Variants in DMD observed in about 807,000 individuals in gnomAD.
DMD encodes the protein mutant dystrophin.
A neutral mutation model predicts 330.1 loss-of-function variants in DMD; 63 were observed. The observed-to-expected ratio is 0.19, with a 90% CI of 0.16 to 0.24. The LOEUF is 0.24. DMD is among the 10% of genes least tolerant of loss of function. The probability of loss-of-function intolerance (pLI) is 1.00; values close to 1 mark genes in which losing one functional copy is unlikely to be tolerated. For synonymous variants in DMD, 1,223 were observed against 959.8 expected (o/e 1.27, Z -5.07); for missense variants, 3,344 against 2,684.1 (o/e 1.25, Z -5.43).
intron 48 of DMD, among the ~76,000 whole-genome samples, chrX:31,838,833 G>A (rs1870322): frequency 0.37 from 40,649 of 110,239 alleles, 6,181 homozygotes; most frequent in African/African-American, 0.58. Context: ...CGTGGGATGT[G>A]GGAGAGTTAA....
chrX:32,140,135 T>A (rs1224199937), intron 44 of DMD, among the ~76,000 whole-genome samples: 4 of 112,017 alleles, frequency 3.6e-5, no homozygotes, highest in Non-Finnish European at 7.5e-5. Context: ...ATGACAGAAT[T>A]TAAAACAGAT....
At chrX:32,626,783 A>C (rs765387583) in intron 11 of DMD, among the ~76,000 whole-genome samples, 32 of 103,839 alleles carry the variant, frequency 3.1e-4, no homozygotes, top group Non-Finnish European at 5.7e-4. Flanking sequence ...CGAGTTGTGC[A>C]CATGCATCCT....
chrX:33,056,993 T>A (rs919770063), intron 1 of DMD, among the ~76,000 whole-genome samples: 1 of 111,471 alleles, frequency 9.0e-6, no homozygotes, highest in Non-Finnish European at 1.9e-5. Flanking sequence ...TCATAAAAAA[T>A]GTACTAAAGG....
intron 48 of DMD, among the ~76,000 whole-genome samples, chrX:31,866,041 T>G (rs2093793827): frequency 1.8e-5 from 2 of 111,377 alleles, no homozygotes; most frequent in Admixed American, 9.5e-5. Flanking sequence ...AAAGATGAAC[T>G]TCAATGGCCT....
At chrX:31,840,396 A>G (rs1294422990) in intron 48 of DMD, among the ~76,000 whole-genome samples, 1 of 108,958 alleles carries the variant, frequency 9.2e-6, no homozygotes, top group Non-Finnish European at 1.9e-5. Flanking sequence ...TATGTGTATT[A>G]GATATGATAA....
intron 1 of DMD, among the ~76,000 whole-genome samples, chrX:33,161,657 C>T (rs1010461150): frequency 4.5e-5 from 5 of 111,133 alleles, no homozygotes; most frequent in African/African-American, 1.6e-4. Context: ...ATTCCTCCTT[C>T]CCATCTCACA....
chrX:32,114,213 C>T (rs1795595), intron 44 of DMD, among the ~76,000 whole-genome samples: 48,734 of 110,168 alleles, frequency 0.44, 8,097 homozygotes, highest in African/African-American at 0.56. Context: ...CAACTGAAAG[C>T]GTACTTAATT....
intron 11 of DMD, among the ~76,000 whole-genome samples, chrX:32,630,083 G>C (rs575215507): frequency 4.0e-4 from 45 of 111,772 alleles, no homozygotes; most frequent in South Asian, 7.4e-4. Context: ...CTTTAAGATT[G>C]AAGAACGCCC....
chrX:32,794,255 G>A (rs1323789516), intron 7 of DMD, among the ~76,000 whole-genome samples: 2 of 111,807 alleles, frequency 1.8e-5, no homozygotes, highest in Non-Finnish European at 3.8e-5. Flanking sequence ...TCTACAAGTA[G>A]TATCAAACTG....
chrX:32,892,633 G>A (rs184235883), intron 2 of DMD, among the ~76,000 whole-genome samples: 1 of 111,558 alleles, frequency 9.0e-6, no homozygotes, highest in Non-Finnish European at 1.9e-5. Context: ...CTTAGACCTC[G>A]TGATCCACCC....
chrX:31,917,281 A>C (rs2094621473), intron 47 of DMD, among the ~76,000 whole-genome samples: 1 of 112,142 alleles, frequency 8.9e-6, no homozygotes, highest in Non-Finnish European at 1.9e-5. Flanking sequence ...CTTAGGCAAA[A>C]TGACATATAA....
chrX:32,819,992 C>T (rs1300666690), intron 5 of DMD, among the ~76,000 whole-genome samples: 1 of 111,198 alleles, frequency 9.0e-6, no homozygotes. Context: ...TAAGCAGAGG[C>T]TGGGAAGAGT....
chrX:32,684,024 C>CAT (rs2062658376), intron 9 of DMD, among the ~76,000 whole-genome samples: 1 of 96,889 alleles, frequency 1.0e-5, no homozygotes, highest in South Asian at 4.2e-4. Flanking sequence ...TACATACACA[C>CAT]ACACACACAC....
At chrX:31,917,490 G>C (rs1215477689) in intron 47 of DMD, among the ~76,000 whole-genome samples, 1 of 111,717 alleles carries the variant, frequency 9.0e-6, no homozygotes, top group African/African-American at 3.3e-5. Context: ...CCCAGTTTTT[G>C]GTGAATCAGT....
intron 1 of DMD, among the ~76,000 whole-genome samples, chrX:33,035,433 C>A (rs5972739): frequency 0.21 from 23,024 of 110,630 alleles, 1,865 homozygotes; most frequent in Middle Eastern, 0.37. Flanking sequence ...GGATTGGGCA[C>A]TATTTTTTTG....
intron 1 of DMD, among the ~76,000 whole-genome samples, chrX:33,036,298 A>G (rs953455580): frequency 4.5e-5 from 5 of 111,778 alleles, no homozygotes; most frequent in Non-Finnish European, 9.4e-5. Flanking sequence ...TTTCCTTTGC[A>G]TTTTCCTTGC....
chrX:32,492,940 T>C (rs3805051), intron 19 of DMD, among the ~76,000 whole-genome samples: 7,815 of 109,954 alleles, frequency 0.071, 390 homozygotes, highest in African/African-American at 0.16. Flanking sequence ...GTTCGAAGAG[T>C]AGTTTGGTAG....
At chrX:31,629,219 A>C (rs2079015999) in intron 54 of DMD, among the ~76,000 whole-genome samples, 1 of 112,010 alleles carries the variant, frequency 8.9e-6, no homozygotes, top group Non-Finnish European at 1.9e-5. Context: ...TGTGATTGTC[A>C]ATAATTATGC....
At chrX:31,172,897 A>T (rs1020337119) in intron 72 of DMD, among the ~76,000 whole-genome samples, 1 of 111,767 alleles carries the variant, frequency 8.9e-6, no homozygotes, top group African/African-American at 3.2e-5. Context: ...TCTGCCACCA[A>T]TTTTTACCTT....
Sources: gnomAD v4.1 joint callset for allele counts (sites outside exome capture counted in the v4.1 genomes callset) on GRCh38, gnomAD v4.1.1 for gene constraint, MANE v1.5 for transcripts, NCBI Gene and HGNC (gene_info 2026-07-23, HGNC 2026-07-21) for gene names.